Variants in ACTR1A observed in about 807,000 individuals in gnomAD.
The protein encoded by ACTR1A is actin related protein 1A, also known as alpha-centractin.
In ACTR1A, 10 loss-of-function variants were observed where a neutral mutation model predicts 50.7. The ratio of observed to expected loss-of-function variants is 0.20; its 90% CI spans 0.12 to 0.33. The LOEUF (loss-of-function observed/expected upper bound fraction) is 0.33. Among genes scored for constraint, ACTR1A ranks in the 10% least tolerant of loss-of-function variants. The pLI is 1.00. For synonymous variants in ACTR1A, 177 were observed against 184.2 expected, an observed-to-expected ratio of 0.96 and a Z score of 0.32; for missense variants, 253 against 491.7, an observed-to-expected ratio of 0.51 and a Z score of 4.59.
At chr10:102,492,653 A>G (rs899842358) in intron 1 of ACTR1A, among the ~76,000 whole-genome samples, 1 of 152,090 alleles carries the variant, frequency 6.6e-6, no homozygotes, top group Non-Finnish European at 1.5e-5. Flanking sequence ...AGGGGGAGTG[A>G]GACTGGCCAT....
chr10:102,482,800 G>A lies in ACTR1A; in HGVS notation c.750+211C>T. The A allele has an allele frequency of 1.8e-6, 1 of 559,692 alleles. No homozygotes were observed. Among genetic ancestry groups the A allele is most frequent in the South Asian group, 2.4e-5 (1 of 41,736 alleles). 34.7% of individuals were successfully genotyped at this position (559,692 alleles called of 1,614,324 possible). ...TGAGCTAAAAAAAAAAATTGCAAAA[G>A]AATCTCATAATGTTTTAAGAAAGTT... On this transcript the variant is annotated intron_variant, in intron 7 of 10. Coordinates refer to ENST00000369905, the MANE Select transcript of ACTR1A (RefSeq NM_005736.4). The surrounding 1 kb of genome is among the most constrained non-coding windows in gnomAD (Gnocchi z 5.6).
chr10:102,492,173 C>A (rs2062198098), intron 1 of ACTR1A, among the ~76,000 whole-genome samples: 1 of 146,214 alleles, frequency 6.8e-6, no homozygotes, highest in Admixed American at 7.1e-5. Flanking sequence ...TGGGTTCAAG[C>A]GATTCTCCTG....
At chr10:102,495,046 A>G (rs966597486) in intron 1 of ACTR1A, among the ~76,000 whole-genome samples, 1 of 151,962 alleles carries the variant, frequency 6.6e-6, no homozygotes, top group Admixed American at 6.6e-5. Context: ...CCTGATCTCA[A>G]GTGATCCACC....
Position 102,482,134 on chromosome 10 carries a change from C to T in ACTR1A, c.792G>A (p.Arg264=). ...CACTCTCCTCTCCAATCAAATCTGGCCTGAAGAGCAACTCAGGGGCCCGGA... is the reference window on the plus strand; with the variant it reads ...CACTCTCCTCTCCAATCAAATCTGGTCTGAAGAGCAACTCAGGGGCCCGGA... The part of the protein sequence containing the change: ...SRFRAPELLF[R]PDLIGEESEG... The change falls in exon 8 of 11, where the codon AGG becomes AGA. Residue 264 remains arginine, a synonymous_variant. Coordinates refer to ENST00000369905, the MANE Select transcript of ACTR1A (RefSeq NM_005736.4). The surrounding 1 kb of genome is among the most constrained non-coding windows in gnomAD (Gnocchi z 5.6). 1 of 1,613,930 alleles carries T rather than the reference C, an allele frequency of 6.2e-7. No homozygotes were observed.
chr10:102,489,725 A>C (rs2062183400), intron 2 of ACTR1A, among the ~76,000 whole-genome samples: 1 of 152,014 alleles, frequency 6.6e-6, no homozygotes, highest in Non-Finnish European at 1.5e-5. Flanking sequence ...GAGGCACGAG[A>C]ATCGCTTGAA....
At position 102,479,562 on chromosome 10, in the gene ACTR1A, C is replaced by A. The variant is rs753247900; in HGVS notation, c.*1301G>T. 4 of 1,258,224 alleles carry A rather than the reference C, an allele frequency of 3.2e-6. No homozygotes were observed. The African/African-American group carries it at 6.1e-5, about 19-fold the overall frequency. 77.9% of individuals were successfully genotyped at this position (1,258,224 alleles called of 1,614,324 possible). The stretch of plus-strand genomic sequence containing the variant: ...TAGGCTGAAGGCCTTTGGACCACTC[C>A]TAGGAGTCAGGCCTGGCTCCATTAG... On this transcript the variant is annotated 3_prime_UTR_variant, in exon 11 of 11. Transcript: ENST00000369905. The surrounding 1 kb of genome is among the most constrained non-coding windows in gnomAD (Gnocchi z 4.0).
intron 1 of ACTR1A, among the ~76,000 whole-genome samples, chr10:102,491,955 G>A (rs188630646): frequency 7.2e-6 from 1 of 138,638 alleles, no homozygotes; most frequent in Non-Finnish European, 1.6e-5. Context: ...TTTTTTAGTA[G>A]AGACAGGGTT....
intron 2 of ACTR1A, among the ~76,000 whole-genome samples, chr10:102,490,232 C>CA (rs145472595): frequency 0.042 from 1,869 of 44,802 alleles, 116 homozygotes; most frequent in East Asian, 0.15. Context: ...GACTCCGTCT[C>CA]AAAAAAAAAA....
intron 1 of ACTR1A, among the ~76,000 whole-genome samples, chr10:102,496,451 C>T (rs72847735): frequency 0.01 from 1,527 of 152,296 alleles, 10 homozygotes; most frequent in Non-Finnish European, 0.015. Flanking sequence ...TAATTGGTGA[C>T]GTTTCTTCTT....
At position 102,502,700 on chromosome 10, in the gene ACTR1A, T is replaced by C; in HGVS notation, c.-53A>G. ...GGAACTGCCCAGCCGGGTCCGCCGC[T>C]AGCGCCACTGACACGCATGCGCAGT... On this transcript the variant is annotated 5_prime_UTR_variant, in exon 1 of 11. Coordinates refer to ENST00000369905, the MANE Select transcript of ACTR1A (RefSeq NM_005736.4). The C allele has an allele frequency of 1.3e-6, 2 of 1,598,554 alleles. No individual in the cohort carries two copies. The highest frequency in any genetic ancestry group is 2.2e-5 in the South Asian group (2 of 90,696).
chr10:102,491,388 C>T (rs2062190796), intron 1 of ACTR1A, among the ~76,000 whole-genome samples: 1 of 152,224 alleles, frequency 6.6e-6, no homozygotes, highest in East Asian at 1.9e-4. Flanking sequence ...GTGACAGACA[C>T]CGCCATGAGC....
intron 5 of ACTR1A, 44 bp from the exon 6 acceptor site, chr10:102,484,420 G>T: frequency 6.6e-7 from 1 of 1,507,160 alleles, no homozygotes; most frequent in South Asian, 1.1e-5. Flanking sequence ...GCCTCCTCAC[G>T]CTGGGAAGAA....
At position 102,502,702 on chromosome 10, in the gene ACTR1A, G is replaced by A; in HGVS notation, c.-55C>T. 6.3e-7 allele frequency: 1 copy of A among 1,599,500 alleles called. No homozygotes were observed. Among genetic ancestry groups the A allele is most frequent in the Non-Finnish European group, 8.6e-7 (1 of 1,167,330 alleles). ...AACTGCCCAGCCGGGTCCGCCGCTA[G>A]CGCCACTGACACGCATGCGCAGTCT... is the stretch of plus-strand genomic sequence containing the variant. On this transcript the variant is annotated 5_prime_UTR_variant, in exon 1 of 11. Transcript: ENST00000369905.
chr10:102,497,085 A>G (rs1054961646), intron 1 of ACTR1A, among the ~76,000 whole-genome samples: 8 of 150,246 alleles, frequency 5.3e-5, no homozygotes, highest in African/African-American at 2.0e-4. Flanking sequence ...AGGCTGAAGC[A>G]GGAGAATCGC....
intron 1 of ACTR1A, among the ~76,000 whole-genome samples, chr10:102,500,561 C>T (rs1046614434): frequency 7.2e-6 from 1 of 139,860 alleles, no homozygotes; most frequent in African/African-American, 2.6e-5. Flanking sequence ...AGTGAGACTC[C>T]GTCTCAAAAA....
In ACTR1A at chr10:102,488,947, A is replaced by C; in HGVS notation, c.189+116T>G. ...TGAGAGAATCAAAAAGGAGATTTTC[A>C]GAGAAAGTTGCCCCTTTTACTTATG... On this transcript the variant is annotated intron_variant, in intron 3 of 10. Transcript: ENST00000369905. The surrounding 1 kb of genome is among the most constrained non-coding windows in gnomAD (Gnocchi z 4.4). 1.4e-6 allele frequency: 1 copy of C among 700,838 alleles called. No individual in the cohort carries two copies. Among genetic ancestry groups the C allele is most frequent in the Non-Finnish European group, 2.2e-6 (1 of 457,536 alleles). The allele number at this position is 700,838 out of a possible 1,614,324, so 43.4% of individuals were successfully genotyped here.
chr10:102,483,629 A>G, intron 6 of ACTR1A: 1 of 162,094 alleles, frequency 6.2e-6, no homozygotes. Context: ...ACTTGTGGTC[A>G]GGAGTTTGAG....
In ACTR1A at chr10:102,479,744, C is replaced by T; in HGVS notation, c.*1119G>A. On this transcript the variant is annotated 3_prime_UTR_variant, in exon 11 of 11. Coordinates refer to ENST00000369905, the MANE Select transcript of ACTR1A (RefSeq NM_005736.4). The surrounding 1 kb of genome is among the most constrained non-coding windows in gnomAD (Gnocchi z 4.0). ...AGGCAACTTGGTAAATTGCAGCTTT[C>T]TCCAGTCTTAAGGGCACTGGCTCTC... is the stretch of plus-strand genomic sequence containing the variant. 8.1e-7 allele frequency: 1 copy of T among 1,232,460 alleles called. No individual in the cohort carries two copies. Among genetic ancestry groups the T allele is most frequent in the South Asian group, 1.3e-5 (1 of 78,796 alleles). 76.3% of individuals were successfully genotyped at this position (1,232,460 alleles called of 1,614,324 possible).
intron 1 of ACTR1A, among the ~76,000 whole-genome samples, chr10:102,498,843 G>C (rs140896568): frequency 1.1e-3 from 170 of 152,180 alleles, no homozygotes; most frequent in African/African-American, 3.8e-3. Flanking sequence ...CTCAAAATGT[G>C]GCCTAGGAGC....
Sources: allele counts gnomAD v4.1 joint callset (sites outside exome capture counted in the v4.1 genomes callset), GRCh38; gene constraint gnomAD v4.1.1; non-coding constraint Gnocchi (gnomAD v3.1); transcripts MANE v1.5; gene names NCBI Gene and HGNC (gene_info 2026-07-23, HGNC 2026-07-21).